The following NLRP1 variants were observed in gnomAD, a reference collection of about 807,000 sequenced individuals.
NLRP1 encodes the protein NACHT, LRR and PYD domains-containing protein 1.
A neutral mutation model predicts 136.7 loss-of-function variants in NLRP1; 94 were observed. The observed-to-expected ratio is 0.69, with a 90% CI of 0.58 to 0.82. The LOEUF is 0.82. NLRP1 is among the 40% of genes least tolerant of loss of function. The pLI, the probability that NLRP1 is intolerant of heterozygous loss-of-function variation, is 0.00. For synonymous variants in NLRP1, 690 were observed against 725.1 expected (o/e 0.95, Z 0.78); for missense variants, 1,575 against 1,802.7 (o/e 0.87, Z 2.29).
rs199476209 is a variant in NLRP1, at chr17:5,582,378, G to A, written c.448+292C>T. Among the ~76,000 whole-genome samples the A allele has an allele frequency of 3.0e-4, 46 of 152,092 alleles. No homozygotes were observed. The highest frequency in any genetic ancestry group is 9.6e-4 in the African/African-American group (40 of 41,494). On this transcript the variant is annotated intron_variant, in intron 2 of 16. Coordinates refer to ENST00000572272, the MANE Select transcript of NLRP1 (RefSeq NM_033004.4). ...CATCAATATTATGAGCTGAGTTCTC[G>A]GGCAAGGACCATGTCACGAGTTGGG...
chr17:5,550,443 G>A (rs1913198745), intron 5 of NLRP1, among the ~76,000 whole-genome samples: 1 of 152,106 alleles, frequency 6.6e-6, no homozygotes, highest in Admixed American at 6.5e-5. Context: ...CTTTCTGGAA[G>A]TTGGCTCATT....
At chr17:5,582,638 C>T (rs201211195) in intron 2 of NLRP1, 32 bp downstream of exon 2, 3 of 1,607,106 alleles carry the variant, frequency 1.9e-6, no homozygotes, top group Non-Finnish European at 2.6e-6. Flanking sequence ...CAGCTCCACC[C>T]AGGGCTGTCA....
At chr17:5,511,747 T>C (rs962507213), downstream of NLRP1, among the ~76,000 whole-genome samples, 23 of 117,254 alleles carry the variant, frequency 2.0e-4, no homozygotes, top group African/African-American at 3.9e-4. Flanking sequence ...TCCCTCCCTT[T>C]CTCTTTTCTT....
intron 8 of NLRP1, among the ~76,000 whole-genome samples, chr17:5,534,794 A>G (rs1023212123): frequency 6.6e-6 from 1 of 152,186 alleles, no homozygotes. Context: ...GAAAGTTTTT[A>G]ACATAGTCCA....
intron 2 of NLRP1, 116 bp from the exon 3 acceptor site, chr17:5,582,178 A>G: frequency 1.1e-6 from 1 of 880,950 alleles, no homozygotes; most frequent in Non-Finnish European, 1.7e-6. Context: ...TATTATTTTG[A>G]AAACCATGTT....
chr17:5,550,157 T>C (rs1018229873), intron 5 of NLRP1, among the ~76,000 whole-genome samples: 4 of 152,030 alleles, frequency 2.6e-5, no homozygotes, highest in African/African-American at 9.7e-5. Flanking sequence ...TTTTCTCTTG[T>C]GATGCTTTTG....
intron 6 of NLRP1, among the ~76,000 whole-genome samples, chr17:5,540,934 A>T (rs546999564): frequency 6.6e-6 from 1 of 152,226 alleles, no homozygotes; most frequent in Non-Finnish European, 1.5e-5. Flanking sequence ...GAAACAAAAG[A>T]AGACCCTGAA....
intron 10 of NLRP1, 108 bp downstream of exon 10, chr17:5,533,196 C>T (rs1910544620): frequency 6.6e-7 from 1 of 1,522,954 alleles, no homozygotes; most frequent in East Asian, 2.5e-5. Context: ...GCCCATCTCC[C>T]CTTCCCCACT....
In NLRP1 at chr17:5,521,012, C is replaced by A. The variant is rs937489690; in HGVS notation, c.3784G>T (p.Ala1262Ser). 3.1e-6 allele frequency: 5 copies of A among 1,602,950 alleles called. No homozygotes were observed. The African/African-American group carries it at 5.4e-5, about 17-fold the overall frequency. ...AATTTCATTTCTAGATCATCTATGG[C>A]CTACAGAACATAGGGAACAATGATT... Reference protein sequence around the residue: ...LIPSDCSIRKAIDDLEMKFQF... With the variant: ...LIPSDCSIRKSIDDLEMKFQF... The change falls in exon 14 of 17, where the codon GCC (alanine) becomes TCC (serine). Residue 1262 changes from alanine to serine, a missense_variant and splice_region_variant. Transcript: ENST00000572272.
chr17:5,555,265 T>C (rs774764853), intron 4 of NLRP1, among the ~76,000 whole-genome samples: 19 of 152,200 alleles, frequency 1.2e-4, no homozygotes, highest in Non-Finnish European at 1.9e-4. Context: ...TCCTGTCATC[T>C]TCATTTCTTT....
At chr17:5,560,105 TAAAC>T in intron 3 of NLRP1, 62 bp from the exon 4 acceptor site, 1 of 1,409,682 alleles carries the variant, frequency 7.1e-7, no homozygotes, top group Non-Finnish European at 9.4e-7. Context: ...ATTAATTAAT[TAAAC>T]AACTGTTTTA....
At chr17:5,571,505 T>C (rs898685331) in intron 3 of NLRP1, among the ~76,000 whole-genome samples, 14 of 152,054 alleles carry the variant, frequency 9.2e-5, no homozygotes, top group African/African-American at 2.9e-4. Context: ...CCATTCACAA[T>C]AGCCACAAAA....
intron 3 of NLRP1, among the ~76,000 whole-genome samples, chr17:5,577,498 T>C (rs1373589406): frequency 6.6e-6 from 1 of 152,310 alleles, no homozygotes; most frequent in Admixed American, 6.5e-5. Context: ...TTGAGTGAAC[T>C]TGCATTCACA....
intron 7 of NLRP1, among the ~76,000 whole-genome samples, chr17:5,539,139 G>A (rs1246077347): frequency 6.6e-6 from 1 of 152,180 alleles, no homozygotes; most frequent in Non-Finnish European, 1.5e-5. Flanking sequence ...CCAAAGTGCT[G>A]GGATTACAGG....
At chr17:5,525,340 C>T (rs926711222) in intron 12 of NLRP1, among the ~76,000 whole-genome samples, 2 of 152,204 alleles carry the variant, frequency 1.3e-5, no homozygotes, top group African/African-American at 4.8e-5. Flanking sequence ...AACAATGGCT[C>T]AAAGCATGAC....
In NLRP1 at chr17:5,539,602, C is replaced by G; in HGVS notation, c.2700-17G>C. 6.3e-7 allele frequency: 1 copy of G among 1,593,870 alleles called. No individual in the cohort carries two copies. Among genetic ancestry groups the G allele is most frequent in the Non-Finnish European group, 8.5e-7 (1 of 1,170,916 alleles). On this transcript the variant is annotated splice_polypyrimidine_tract_variant and intron_variant, in intron 6 of 16. Coordinates refer to ENST00000572272, the MANE Select transcript of NLRP1 (RefSeq NM_033004.4). ...CTGACCAGCCTGCAGGAAAGATACA[C>G]GCCAGCCCAGGTCATTGTCCTAAGG...
intron 15 of NLRP1, among the ~76,000 whole-genome samples, chr17:5,507,239 T>C (rs1907390645): frequency 6.6e-6 from 1 of 152,196 alleles, no homozygotes; most frequent in East Asian, 1.9e-4. Flanking sequence ...AACTATATTA[T>C]AGATATATTC....
At chr17:5,565,533 G>A (rs967355059) in intron 3 of NLRP1, among the ~76,000 whole-genome samples, 2 of 152,194 alleles carry the variant, frequency 1.3e-5, no homozygotes, top group African/African-American at 2.4e-5. Context: ...CTATGCTTGT[G>A]TGTTATTGCT....
At chr17:5,540,032 A>G (rs1321119308) in intron 6 of NLRP1, among the ~76,000 whole-genome samples, 1 of 152,190 alleles carries the variant, frequency 6.6e-6, no homozygotes, top group Non-Finnish European at 1.5e-5. Context: ...AATTAGCAAC[A>G]TATCGTTTTC....
Sources: gnomAD v4.1 joint callset for allele counts (sites outside exome capture counted in the v4.1 genomes callset) on GRCh38, gnomAD v4.1.1 for gene constraint, MANE v1.5 for transcripts, NCBI Gene and HGNC (gene_info 2026-07-23, HGNC 2026-07-21) for gene names.